TSHZ2: variants seen among roughly 807,000 people sequenced by gnomAD.
TSHZ2 encodes the protein teashirt zinc finger homeobox 2.
A neutral mutation model predicts 74.4 loss-of-function variants in TSHZ2; 21 were observed. The ratio of observed to expected loss-of-function variants is 0.28; its 90% CI spans 0.20 to 0.41. TSHZ2 has a LOEUF of 0.41. Ranked by LOEUF, TSHZ2 falls within the 10% of genes least tolerant of loss-of-function variation. The pLI is 1.00. For missense variants in TSHZ2, 1,244 were observed against 1,293.5 expected (o/e 0.96, Z 0.59); for synonymous variants, 540 against 515.3 (o/e 1.05, Z -0.65).
chr20:52,985,231 T>A (rs1981709937), intron 1 of TSHZ2, among the ~76,000 whole-genome samples: 1 of 152,190 alleles, frequency 6.6e-6, no homozygotes, highest in Non-Finnish European at 1.5e-5. Flanking sequence ...TTCATCTCGG[T>A]GCGACCTCAG....
chr20:53,369,884 T>C (rs1981406249), intron 2 of TSHZ2, among the ~76,000 whole-genome samples: 1 of 152,210 alleles, frequency 6.6e-6, no homozygotes, highest in Non-Finnish European at 1.5e-5. Flanking sequence ...AGCTTGTGTG[T>C]TTTCCACTAC....
chr20:53,159,892 A>G (rs1010168747), intron 1 of TSHZ2, among the ~76,000 whole-genome samples: 2 of 152,234 alleles, frequency 1.3e-5, no homozygotes, highest in Admixed American at 6.5e-5. Context: ...TTGCCTGAAC[A>G]TTGCTCACCT....
At chr20:53,239,559 C>A (rs1442310776) in intron 1 of TSHZ2, among the ~76,000 whole-genome samples, 1 of 151,968 alleles carries the variant, frequency 6.6e-6, no homozygotes. Context: ...ATTTGTCCAG[C>A]AGTAGAGAAG....
At chr20:53,107,806 G>A (rs1230935872) in intron 1 of TSHZ2, among the ~76,000 whole-genome samples, 1 of 152,178 alleles carries the variant, frequency 6.6e-6, no homozygotes, top group South Asian at 2.1e-4. Flanking sequence ...TGGAATATTT[G>A]TTGATTTGAA....
At chr20:53,391,694 A>G (rs1280668833) in intron 2 of TSHZ2, among the ~76,000 whole-genome samples, 2 of 152,114 alleles carry the variant, frequency 1.3e-5, no homozygotes, top group Non-Finnish European at 2.9e-5. Flanking sequence ...TGTAATCCCA[A>G]CACTTTGGGA....
intron 2 of TSHZ2, among the ~76,000 whole-genome samples, chr20:53,269,145 C>T (rs1222102299): frequency 1.3e-5 from 2 of 151,882 alleles, no homozygotes; most frequent in African/African-American, 4.8e-5. Context: ...TGGGGGCTGT[C>T]AGCGTGGATC....
At chr20:53,419,498 T>G (rs891833902) in intron 2 of TSHZ2, among the ~76,000 whole-genome samples, 2 of 152,166 alleles carry the variant, frequency 1.3e-5, no homozygotes, top group African/African-American at 2.4e-5. Context: ...CAGCCCTAAG[T>G]GGAGGGTCCA....
chr20:53,291,781 G>A (rs578141121), intron 2 of TSHZ2, among the ~76,000 whole-genome samples: 1 of 151,654 alleles, frequency 6.6e-6, no homozygotes, highest in African/African-American at 2.4e-5. Context: ...GATAAAATCC[G>A]CCTGGCACCT....
chr20:53,186,271 T>G (rs1988597282), intron 1 of TSHZ2, among the ~76,000 whole-genome samples: 1 of 152,244 alleles, frequency 6.6e-6, no homozygotes, highest in African/African-American at 2.4e-5. Flanking sequence ...TGTTTCAATT[T>G]AGGACATTCT....
intron 1 of TSHZ2, among the ~76,000 whole-genome samples, chr20:53,123,951 T>C (rs1986880018): frequency 1.3e-5 from 2 of 152,202 alleles, no homozygotes; most frequent in Non-Finnish European, 1.5e-5. Flanking sequence ...CCAGGCCAAA[T>C]GGAGCGTTGG....
At chr20:53,289,278 A>G (rs1268304688) in intron 2 of TSHZ2, among the ~76,000 whole-genome samples, 3 of 152,196 alleles carry the variant, frequency 2.0e-5, no homozygotes, top group African/African-American at 7.2e-5. Flanking sequence ...ATAAACACGC[A>G]TGTGCAAGTG....
intron 2 of TSHZ2, among the ~76,000 whole-genome samples, chr20:53,346,306 T>G (rs1389119642): frequency 6.6e-6 from 1 of 152,196 alleles, no homozygotes; most frequent in Non-Finnish European, 1.5e-5. Context: ...ACTGAGGAAA[T>G]TTTTTGATGG....
At chr20:53,174,639 C>T (rs942334877) in intron 1 of TSHZ2, among the ~76,000 whole-genome samples, 1 of 152,202 alleles carries the variant, frequency 6.6e-6, no homozygotes, top group Non-Finnish European at 1.5e-5. Context: ...GCACTCAAGG[C>T]TTAGCTATCA....
chr20:53,073,029 C>CCCTTCCTCCATCCATT, intron 1 of TSHZ2, among the ~76,000 whole-genome samples: 1 of 142,188 alleles, frequency 7.0e-6, no homozygotes, highest in Non-Finnish European at 1.5e-5. Context: ...CTCCATCCAT[C>CCCTTCCTCCATCCATT]CCTTCCTCCA....
chr20:53,415,481 A>AC (rs1199079969), intron 2 of TSHZ2, among the ~76,000 whole-genome samples: 2 of 150,858 alleles, frequency 1.3e-5, no homozygotes, highest in African/African-American at 4.9e-5. Context: ...TCCTCCAGGC[A>AC]CCCCATGCAC....
intron 1 of TSHZ2, among the ~76,000 whole-genome samples, chr20:53,174,186 G>A (rs1187032881): frequency 1.3e-5 from 2 of 152,308 alleles, no homozygotes; most frequent in South Asian, 2.1e-4. Context: ...AGAACAAAGC[G>A]TTAGAGCTAG....
intron 2 of TSHZ2, among the ~76,000 whole-genome samples, chr20:53,295,776 G>A (rs77484179): frequency 0.019 from 2,857 of 152,278 alleles, 32 homozygotes; most frequent in Middle Eastern, 0.044. Context: ...GGGACAAGAG[G>A]TTAAAAAGTG....
chr20:52,985,073 C>T (rs1217500741), intron 1 of TSHZ2, among the ~76,000 whole-genome samples: 2 of 152,156 alleles, frequency 1.3e-5, no homozygotes, highest in South Asian at 4.2e-4. Context: ...GGAAAGAGGC[C>T]ACACTTTTCC....
chr20:53,309,304 G>C (rs1978679672), intron 2 of TSHZ2, among the ~76,000 whole-genome samples: 1 of 152,170 alleles, frequency 6.6e-6, no homozygotes, highest in Non-Finnish European at 1.5e-5. Context: ...CTGAAGATGT[G>C]AGAATTTTAG....
Sources: gnomAD v4.1 joint callset for allele counts (sites outside exome capture counted in the v4.1 genomes callset) on GRCh38, gnomAD v4.1.1 for gene constraint, MANE v1.5 for transcripts, NCBI Gene and HGNC (gene_info 2026-07-23, HGNC 2026-07-21) for gene names.